Variants in PLEKHH3 observed in about 807,000 individuals in gnomAD.
PLEKHH3 encodes pleckstrin homology domain-containing family H member 3.
PLEKHH3 carries 57 observed loss-of-function variants against 77.8 expected under a neutral mutation model. The ratio of observed to expected loss-of-function variants is 0.73; its 90% CI spans 0.59 to 0.91. The LOEUF (loss-of-function observed/expected upper bound fraction) is 0.91, where lower values mean the gene tolerates loss of function less well. Ranked by LOEUF, PLEKHH3 falls within the 40% of genes least tolerant of loss-of-function variation. The pLI, the probability that PLEKHH3 is intolerant of heterozygous loss-of-function variation, is 0.00. For synonymous variants in PLEKHH3, 467 were observed against 504.8 expected, an observed-to-expected ratio of 0.93 and a Z score of 1.00; for missense variants, 1,082 against 1,091.2, an observed-to-expected ratio of 0.99 and a Z score of 0.12.
Position 42,676,107 on chromosome 17 carries a change from G to A in PLEKHH3, c.162+295C>T, listed in dbSNP as rs950119355. 5.4e-5 allele frequency: 69 copies of A among 1,268,856 alleles called. No homozygotes were observed. The highest frequency in any genetic ancestry group is 6.9e-5 in the Non-Finnish European group (69 of 1,005,830). 78.6% of individuals were successfully genotyped at this position (1,268,856 alleles called of 1,614,324 possible). Reference sequence around the variant, plus strand: ...GCGGAAGGAGACGGGATGGGACGCGGGCCCAGCGGGGAAGGGAGAGGCAGG... The same window carrying A: ...GCGGAAGGAGACGGGATGGGACGCGAGCCCAGCGGGGAAGGGAGAGGCAGG... On this transcript the variant is annotated intron_variant, in intron 1 of 12. Transcript: ENST00000591022. This position sits in a 1 kb window ranked among gnomAD's most constrained non-coding sequence, Gnocchi z 6.6.
chr17:42,676,172 GC>G lies in PLEKHH3; in HGVS notation c.162+229del. 3 of 1,382,042 alleles carry G rather than the reference GC, an allele frequency of 2.2e-6. No homozygotes were observed. Among genetic ancestry groups the G allele is most frequent in the East Asian group, 2.7e-5 (1 of 36,668 alleles). The allele number at this position is 1,382,042 out of a possible 1,614,324, so 85.6% of individuals were successfully genotyped here. On this transcript the variant is annotated intron_variant, in intron 1 of 12. Coordinates refer to ENST00000591022, the MANE Select transcript of PLEKHH3 (RefSeq NM_024927.5). The surrounding 1 kb of genome is among the most constrained non-coding windows in gnomAD (Gnocchi z 6.6). Reference sequence around the variant, plus strand: ...CGCGTGACGCCTCCCCTGCCTCAGGGCCCCCAGCAGGTGGATAGCGCCCAGC... The same window carrying G: ...CGCGTGACGCCTCCCCTGCCTCAGGGCCCCAGCAGGTGGATAGCGCCCAGC...
At position 42,671,106 on chromosome 17, in the gene PLEKHH3, G is replaced by T; in HGVS notation, c.1309C>A (p.Leu437Met). The T allele has an allele frequency of 6.3e-7, 1 of 1,595,198 alleles. No homozygotes were observed. Among genetic ancestry groups the T allele is most frequent in the Non-Finnish European group, 8.6e-7 (1 of 1,169,402 alleles). The change falls in exon 9 of 13, where the codon CTG (leucine) becomes ATG (methionine). Residue 437 changes from leucine to methionine, a missense_variant. Transcript: ENST00000591022. The surrounding 1 kb of genome is among the most constrained non-coding windows in gnomAD (Gnocchi z 4.7). ...GEVARELVGRLGLARSRNAFA... is the reference protein window; with the variant it reads ...GEVARELVGRMGLARSRNAFA... ...GCGTTGCGGCTCCGGGCCAAGCCCAGCCGCCCCACCAGCTCTCGAGCCACC... is the reference window on the plus strand; with the variant it reads ...GCGTTGCGGCTCCGGGCCAAGCCCATCCGCCCCACCAGCTCTCGAGCCACC...
chr17:42,670,734 G>A lies in PLEKHH3; in HGVS notation c.1422-29C>T, dbSNP rs747620281. ...CAGAAGAGGAGCGGACGAAGCGCTA[G>A]GGAGAAGCCGGACCCCTACGGCGAG... On this transcript the variant is annotated intron_variant, in intron 9 of 12. Transcript: ENST00000591022. The A allele has an allele frequency of 1.9e-5, 30 of 1,600,074 alleles. 1 individual carries two copies. The South Asian group carries it at 3.1e-4, about 16-fold the overall frequency.
rs749871920 is a variant in PLEKHH3 at position 42,676,555 on chromosome 17, G to A, written c.9C>T (p.Leu3=). The change falls in exon 1 of 13, where the codon CTC becomes CTT. Residue 3 remains leucine, a synonymous_variant. Transcript: ENST00000591022. This position sits in a 1 kb window ranked among gnomAD's most constrained non-coding sequence, Gnocchi z 6.6. MP[L]PGGLWWLLCC... ...AGAGAAGCCACCATAGTCCCCCGGG[G>A]AGAGGCATCCGGGCGAGGAGCTGCG... is the stretch of plus-strand genomic sequence containing the variant. 1 of 1,560,186 alleles carries A rather than the reference G, an allele frequency of 6.4e-7. No homozygotes were observed. Among genetic ancestry groups the A allele is most frequent in the Admixed American group, 1.9e-5 (1 of 52,104 alleles).
intron 12 of PLEKHH3, 61 bp downstream of exon 12, chr17:42,669,369 T>C (rs1370809761): frequency 1.4e-6 from 2 of 1,457,208 alleles, no homozygotes; most frequent in Non-Finnish European, 1.8e-6. Flanking sequence ...TGGTGTTCTG[T>C]AAATGCTTCC....
At chr17:42,670,474 T>C (rs1199450310) in intron 10 of PLEKHH3, 98 bp from the exon 11 acceptor site, 25 of 1,519,076 alleles carry the variant, frequency 1.6e-5, no homozygotes, top group Admixed American at 2.1e-5. Context: ...CAGTCAAGCC[T>C]CCCGCGGGGC....
rs1212219927 is a variant in PLEKHH3 at position 42,673,291 on chromosome 17, A to G, written c.654T>C (p.Ser218=). The G allele has an allele frequency of 2.5e-6, 4 of 1,599,090 alleles. No individual in the cohort carries two copies. The African/African-American group carries it at 5.4e-5, about 22-fold the overall frequency. Residue 218 remains serine, a synonymous_variant, in exon 6 of 13, where the codon AGT becomes AGC. Transcript: ENST00000591022. ...TQLLLRDIQE[S]CGDPEAVALI... is the part of the protein sequence containing the mutation. ...GGGCAACGGCCTCTGGGTCCCCGCA[A>G]CTTTCCTAGGGGGCCAGGGAGAGGG...
Position 42,676,876 on chromosome 17 carries a change from G to T in PLEKHH3, c.-313C>A. The T allele has an allele frequency of 2.7e-6, 1 of 366,294 alleles. No homozygotes were observed. The highest frequency in any genetic ancestry group is 5.0e-6 in the Non-Finnish European group (1 of 199,256). The allele number at this position is 366,294 out of a possible 1,614,324, so 22.7% of individuals were successfully genotyped here. A position where few individuals can be genotyped will look rare whatever the true frequency, so the allele number is the denominator to read the frequency against. On this transcript the variant is annotated 5_prime_UTR_variant, in exon 1 of 13. Coordinates refer to ENST00000591022, the MANE Select transcript of PLEKHH3 (RefSeq NM_024927.5). The surrounding 1 kb of genome is among the most constrained non-coding windows in gnomAD (Gnocchi z 6.6). ...AGTGTCCAGCCCTGTGGGGGGCAGT[G>T]TCCGGTGCAGCGTCCGAGGTGGGCA...
chr17:42,676,344 G>A lies in PLEKHH3; in HGVS notation c.162+58C>T, dbSNP rs575799463. ...TGGCTGGAGGCTGGAGCGGATCAGC[G>A]TGACGGCCGGTTACAGCGAGAGTGA... On this transcript the variant is annotated intron_variant, in intron 1 of 12. Transcript: ENST00000591022. The surrounding 1 kb of genome is among the most constrained non-coding windows in gnomAD (Gnocchi z 6.6). 3.1e-6 allele frequency: 5 copies of A among 1,599,318 alleles called. No homozygotes were observed. In the African/African-American group the frequency reaches 4.0e-5, roughly 13 times the overall value.
intron 4 of PLEKHH3, 41 bp downstream of exon 4, chr17:42,673,602 C>A: frequency 6.3e-7 from 1 of 1,592,268 alleles, no homozygotes; most frequent in Non-Finnish European, 8.5e-7. Context: ...TCTGCCGGGG[C>A]CCCTGCCTAG....
intron 1 of PLEKHH3, chr17:42,675,792 C>T (rs1395610158): frequency 2.0e-5 from 17 of 837,760 alleles, no homozygotes; most frequent in Non-Finnish European, 2.4e-5. Context: ...AGCCCAGTGT[C>T]CCTCACCATC....
chr17:42,674,203 A>T, intron 2 of PLEKHH3, 151 bp downstream of exon 2: 1 of 1,126,946 alleles, frequency 8.9e-7, no homozygotes, highest in Non-Finnish European at 1.2e-6. Context: ...CCGCGCCCCC[A>T]GCCGGACCGC....
chr17:42,675,978 G>A (rs1362632790), intron 1 of PLEKHH3: 5 of 1,047,826 alleles, frequency 4.8e-6, no homozygotes, highest in Non-Finnish European at 4.6e-6. Context: ...TCCGCAGCGG[G>A]AGCTCTCGCA....
chr17:42,674,028 A>G lies in PLEKHH3; in HGVS notation c.219-15T>C. The G allele has an allele frequency of 6.2e-7, 1 of 1,611,670 alleles. No individual in the cohort carries two copies. The highest frequency in any genetic ancestry group is 8.5e-7 in the Non-Finnish European group (1 of 1,179,558). On this transcript the variant is annotated splice_polypyrimidine_tract_variant and intron_variant, in intron 2 of 12. Coordinates refer to ENST00000591022, the MANE Select transcript of PLEKHH3 (RefSeq NM_024927.5). ...AGCTCTGCAGCCTGGGCCAGAGGGG[A>G]GGGAAGGTTGGGTCTCCACTCTGCC...
In PLEKHH3 at chr17:42,671,625, T is replaced by C. The variant is rs1004427083; in HGVS notation, c.1077-67A>G. ...TCTTCTCCCCCTCCCTCTTGCCTGC[T>C]TCTCTTATAGTTTATTTTATCTAGC... On this transcript the variant is annotated intron_variant, in intron 7 of 12. Coordinates refer to ENST00000591022, the MANE Select transcript of PLEKHH3 (RefSeq NM_024927.5). The surrounding 1 kb of genome is among the most constrained non-coding windows in gnomAD (Gnocchi z 4.7). 2 of 1,466,346 alleles carry C rather than the reference T, an allele frequency of 1.4e-6. No homozygotes were observed. The highest frequency in any genetic ancestry group is 1.4e-5 in the African/African-American group (1 of 71,286). 90.8% of individuals were successfully genotyped at this position (1,466,346 alleles called of 1,614,324 possible).
In PLEKHH3 at chr17:42,671,579, G is replaced by C. The variant is rs749132650; in HGVS notation, c.1077-21C>G. 90 of 1,592,032 alleles carry C rather than the reference G, an allele frequency of 5.7e-5. 2 individuals are homozygous for C. The East Asian group carries it at 2.0e-3, about 36-fold the overall frequency. The stretch of plus-strand genomic sequence containing the variant: ...CGGTCCTGGGTTAGGAGGAACCCAG[G>C]GATCAATACTCCAAGGGCTTTCTTC... On this transcript the variant is annotated intron_variant, in intron 7 of 12. Transcript: ENST00000591022. The surrounding 1 kb of genome is among the most constrained non-coding windows in gnomAD (Gnocchi z 4.7).
In PLEKHH3 at chr17:42,671,098, C is replaced by A; in HGVS notation, c.1317G>T (p.Leu439Phe). 1 of 1,597,776 alleles carries A rather than the reference C, an allele frequency of 6.3e-7. No individual in the cohort carries two copies. The highest frequency in any genetic ancestry group is 8.5e-7 in the Non-Finnish European group (1 of 1,170,552). The change falls in exon 9 of 13, where the codon TTG (leucine) becomes TTT (phenylalanine). Residue 439 changes from leucine (L) to phenylalanine (F), a missense_variant. By Grantham distance (22) the Leu-to-Phe change is conservative. Coordinates refer to ENST00000591022, the MANE Select transcript of PLEKHH3 (RefSeq NM_024927.5). This position sits in a 1 kb window ranked among gnomAD's most constrained non-coding sequence, Gnocchi z 4.7. ...VARELVGRLG[L>F]ARSRNAFALY... is the part of the protein sequence containing the mutation. Reference sequence around the variant, plus strand: ...GCGCGAATGCGTTGCGGCTCCGGGCCAAGCCCAGCCGCCCCACCAGCTCTC... The same window carrying A: ...GCGCGAATGCGTTGCGGCTCCGGGCAAAGCCCAGCCGCCCCACCAGCTCTC...
chr17:42,670,893 GCAGGGC>G, intron 9 of PLEKHH3, 95 bp downstream of exon 9: 1 of 1,550,246 alleles, frequency 6.5e-7, no homozygotes, highest in Non-Finnish European at 8.7e-7. Flanking sequence ...ACACCACAGC[GCAGGGC>G]CAGGGGCAAG....
In PLEKHH3 at chr17:42,671,391, G is replaced by A; in HGVS notation, c.1244C>T (p.Ala415Val). 6.2e-7 allele frequency: 1 copy of A among 1,613,044 alleles called. No individual in the cohort carries two copies. The highest frequency in any genetic ancestry group is 1.6e-4 in the Middle Eastern group (1 of 6,062). Residue 415 changes from alanine (A) to valine (V), a missense_variant, in exon 8 of 13, where the codon GCC becomes GTC. Around this residue, in one of 3 missense-constraint regions of PLEKHH3, gnomAD observed 733 missense variants for 750.0 expected, o/e 0.98. Transcript: ENST00000591022. The surrounding 1 kb of genome is among the most constrained non-coding windows in gnomAD (Gnocchi z 4.7). ...GTGGGAGTCGATGGCCACAGCACAG[G>A]CACCAGCCCCCGGACAGTGCACGGT... ...LCTVHCPGAGACAVAIDSHTT... is the reference protein window; with the variant it reads ...LCTVHCPGAGVCAVAIDSHTT...
Sources: gnomAD v4.1 joint callset for allele counts on GRCh38, gnomAD v4.1.1 for gene constraint, gnomAD v4.1.1 regional missense constraint, Gnocchi (gnomAD v3.1) non-coding constraint, MANE v1.5 for transcripts, NCBI Gene and HGNC (gene_info 2026-07-23, HGNC 2026-07-21) for gene names.